The following STT3B variants were observed in gnomAD, a reference collection of about 807,000 sequenced individuals.
STT3B encodes STT3 oligosaccharyltransferase complex catalytic subunit B.
In STT3B, 29 loss-of-function variants were observed where a neutral mutation model predicts 96.8. The ratio of observed to expected loss-of-function variants is 0.30; its 90% CI spans 0.22 to 0.41. The LOEUF is 0.41. Ranked by LOEUF, STT3B falls within the 10% of genes least tolerant of loss-of-function variation. STT3B has a pLI of 1.00. For missense variants in STT3B, 640 were observed against 1,022.3 expected, an observed-to-expected ratio of 0.63 and a Z score of 5.10; for synonymous variants, 367 against 360.0, an observed-to-expected ratio of 1.02 and a Z score of -0.22.
chr3:31,608,093 T>C (rs1162783108), intron 5 of STT3B, among the ~76,000 whole-genome samples: 1 of 152,210 alleles, frequency 6.6e-6, no homozygotes, highest in Non-Finnish European at 1.5e-5. Flanking sequence ...AGATTCCATC[T>C]TCTACAGATG....
chr3:31,625,133 AG>A, intron 12 of STT3B, 48 bp downstream of exon 12: 1 of 1,542,836 alleles, frequency 6.5e-7, no homozygotes, highest in Non-Finnish European at 8.8e-7. Flanking sequence ...TTCACTCCTT[AG>A]CAATCAGGCT....
chr3:31,612,325 G>A (rs996260764), intron 5 of STT3B, among the ~76,000 whole-genome samples: 2 of 152,114 alleles, frequency 1.3e-5, no homozygotes, highest in African/African-American at 4.8e-5. Context: ...TGAAAAATAG[G>A]TACTTGGGTC....
intron 1 of STT3B, among the ~76,000 whole-genome samples, chr3:31,535,236 A>C (rs948646743): frequency 6.6e-5 from 10 of 152,260 alleles, no homozygotes; most frequent in Middle Eastern, 3.4e-3. Flanking sequence ...ATCTGCATCA[A>C]GTCAGCCAAA....
chr3:31,567,520 T>C (rs1698034257), intron 1 of STT3B, among the ~76,000 whole-genome samples: 1 of 152,208 alleles, frequency 6.6e-6, no homozygotes, highest in Non-Finnish European at 1.5e-5. Flanking sequence ...GCTAACAATA[T>C]ATTGTTCTTC....
intron 5 of STT3B, among the ~76,000 whole-genome samples, chr3:31,606,941 T>C (rs1699067207): frequency 1.3e-5 from 2 of 152,174 alleles, no homozygotes; most frequent in African/African-American, 4.8e-5. Flanking sequence ...AACCCACCTC[T>C]TGTATCAGCG....
At chr3:31,564,481 T>G (rs1697954002) in intron 1 of STT3B, among the ~76,000 whole-genome samples, 2 of 152,206 alleles carry the variant, frequency 1.3e-5, no homozygotes, top group Admixed American at 1.3e-4. Flanking sequence ...GCTTCCATCT[T>G]CTCATCTGTA....
intron 2 of STT3B, among the ~76,000 whole-genome samples, chr3:31,578,976 G>A (rs1332342172): frequency 1.3e-5 from 2 of 151,954 alleles, no homozygotes; most frequent in Non-Finnish European, 1.5e-5. Context: ...TTCTGTTATG[G>A]AGTAAAAAAA....
At chr3:31,533,910 G>A (rs915005289) in intron 1 of STT3B, among the ~76,000 whole-genome samples, 1 of 152,206 alleles carries the variant, frequency 6.6e-6, no homozygotes, top group Non-Finnish European at 1.5e-5. Context: ...ATACGAGAAG[G>A]GAAAAGGAGA....
intron 3 of STT3B, among the ~76,000 whole-genome samples, chr3:31,593,266 TGTGA>T (rs148128470): frequency 0.017 from 2,606 of 152,350 alleles, 73 homozygotes; most frequent in African/African-American, 0.059. Context: ...CATTTAACGC[TGTGA>T]GTATGTCATT....
chr3:31,581,385 C>T (rs954211952), intron 3 of STT3B, among the ~76,000 whole-genome samples: 7 of 152,078 alleles, frequency 4.6e-5, no homozygotes, highest in African/African-American at 1.4e-4. Context: ...ATATTCTCTA[C>T]ACTTGTGTAT....
chr3:31,627,496 T>G (rs1482870920), intron 13 of STT3B, among the ~76,000 whole-genome samples: 7 of 152,206 alleles, frequency 4.6e-5, no homozygotes, highest in Admixed American at 4.6e-4. Context: ...CACTAAATTG[T>G]GAGCTTTTAG....
chr3:31,607,538 AT>A (rs1345622004), intron 5 of STT3B, among the ~76,000 whole-genome samples: 1 of 152,076 alleles, frequency 6.6e-6, no homozygotes, highest in Non-Finnish European at 1.5e-5. Context: ...TGCCACCTTG[AT>A]TGTGAGGCCT....
At chr3:31,579,367 T>C (rs1443023863) in intron 2 of STT3B, among the ~76,000 whole-genome samples, 1 of 151,576 alleles carries the variant, frequency 6.6e-6, no homozygotes, top group African/African-American at 2.4e-5. Flanking sequence ...GTGTGTAATT[T>C]TTCTTTATCT....
At chr3:31,591,529 G>A (rs1415861944) in intron 3 of STT3B, among the ~76,000 whole-genome samples, 1 of 151,954 alleles carries the variant, frequency 6.6e-6, no homozygotes, top group South Asian at 2.1e-4. Context: ...GCCTGTTATT[G>A]CTATTTATTT....
intron 13 of STT3B, among the ~76,000 whole-genome samples, chr3:31,628,308 C>G (rs1276083288): frequency 1.3e-5 from 2 of 152,074 alleles, no homozygotes; most frequent in Non-Finnish European, 2.9e-5. Context: ...ACCCTGTTCA[C>G]TTCATAATAT....
intron 1 of STT3B, among the ~76,000 whole-genome samples, chr3:31,558,134 GTT>G (rs1559364704): frequency 1.1e-4 from 16 of 152,322 alleles, no homozygotes; most frequent in African/African-American, 3.6e-4. Flanking sequence ...AAGTGGGACA[GTT>G]TAGCTTTCTC....
intron 9 of STT3B, among the ~76,000 whole-genome samples, chr3:31,621,366 TGTA>T (rs1254289603): frequency 6.6e-6 from 1 of 152,190 alleles, no homozygotes; most frequent in African/African-American, 2.4e-5. Context: ...CATTATGGGT[TGTA>T]GTTACACAGG....
At chr3:31,616,744 TCA>T (rs984486599) in intron 6 of STT3B, among the ~76,000 whole-genome samples, 183 bp from the exon 7 acceptor site, 1 of 150,578 alleles carries the variant, frequency 6.6e-6, no homozygotes, top group African/African-American at 2.4e-5. Flanking sequence ...AAAAAAAAAG[TCA>T]CAGAATTTTT....
intron 1 of STT3B, among the ~76,000 whole-genome samples, chr3:31,566,156 G>A (rs1559367999): frequency 6.6e-6 from 1 of 152,122 alleles, no homozygotes; most frequent in Non-Finnish European, 1.5e-5. Context: ...ACTCTTGTCT[G>A]GAATCCCTGA....
Sources: allele counts gnomAD v4.1 joint callset (sites outside exome capture counted in the v4.1 genomes callset), GRCh38; gene constraint gnomAD v4.1.1; transcripts MANE v1.5; gene names NCBI Gene and HGNC (gene_info 2026-07-23, HGNC 2026-07-21).